Variants in RBFOX1 observed in about 807,000 individuals in gnomAD.
The protein encoded by RBFOX1 is RNA binding protein fox-1 homolog 1.
Under a neutral mutation model 57.7 loss-of-function variants are expected in RBFOX1, and 8 were observed. The ratio of observed to expected loss-of-function variants is 0.14; its 90% CI spans 0.08 to 0.25. The LOEUF (loss-of-function observed/expected upper bound fraction) is 0.25, where lower values mean the gene tolerates loss of function less well. Among genes scored for constraint, RBFOX1 ranks in the 10% least tolerant of loss-of-function variants. The pLI, the probability that RBFOX1 is intolerant of heterozygous loss-of-function variation, is 1.00. For synonymous variants in RBFOX1, 326 were observed against 222.4 expected (o/e 1.47, Z -4.15); for missense variants, 611 against 548.5 (o/e 1.11, Z -1.14).
At chr16:7,516,506 T>C (rs573497375) in intron 4 of RBFOX1, among the ~76,000 whole-genome samples, 19 of 152,334 alleles carry the variant, frequency 1.2e-4, no homozygotes, top group African/African-American at 4.6e-4. Flanking sequence ...GCAGTATCAC[T>C]GCATGTCTTC....
At chr16:6,842,916 G>A (rs2093563386) in intron 3 of RBFOX1, among the ~76,000 whole-genome samples, 1 of 152,162 alleles carries the variant, frequency 6.6e-6, no homozygotes, top group Non-Finnish European at 1.5e-5. Context: ...GTGAGAACAT[G>A]CAGTGTTTGG....
intron 4 of RBFOX1, among the ~76,000 whole-genome samples, chr16:7,443,009 A>C (rs957268338): frequency 1.3e-5 from 2 of 152,138 alleles, no homozygotes; most frequent in South Asian, 4.1e-4. Context: ...AACACCATCA[A>C]ACACTTTAAT....
chr16:7,654,526 C>T (rs1485743604), intron 12 of RBFOX1, among the ~76,000 whole-genome samples: 76 of 152,150 alleles, frequency 5.0e-4, no homozygotes, highest in Admixed American at 3.9e-4. Context: ...TTCCTTTCTC[C>T]TCTGTGGGAA....
chr16:6,766,208 T>G (rs1428535526), intron 3 of RBFOX1, among the ~76,000 whole-genome samples: 1 of 152,164 alleles, frequency 6.6e-6, no homozygotes, highest in African/African-American at 2.4e-5. Flanking sequence ...TAAGAGCCCT[T>G]CAGTCCAACC....
At chr16:5,274,396 G>T (rs1340461105) in intron 1 of RBFOX1, among the ~76,000 whole-genome samples, 1 of 152,176 alleles carries the variant, frequency 6.6e-6, no homozygotes, top group Non-Finnish European at 1.5e-5. Context: ...AGGCGTGGTC[G>T]TGGGTGCCTG....
At chr16:5,803,697 C>A (rs2055134270) in intron 3 of RBFOX1, among the ~76,000 whole-genome samples, 1 of 152,112 alleles carries the variant, frequency 6.6e-6, no homozygotes, top group African/African-American at 2.4e-5. Context: ...TTTAAGGTAC[C>A]ATACTAGGCA....
chr16:5,833,007 A>T (rs1356247695), intron 3 of RBFOX1, among the ~76,000 whole-genome samples: 1 of 152,184 alleles, frequency 6.6e-6, no homozygotes, highest in Admixed American at 6.5e-5. Flanking sequence ...GGTGAAAGCC[A>T]CCAACCCCCC....
chr16:5,293,613 T>G (rs2063588142), intron 1 of RBFOX1, among the ~76,000 whole-genome samples: 1 of 152,190 alleles, frequency 6.6e-6, no homozygotes, highest in Non-Finnish European at 1.5e-5. Flanking sequence ...GTTTATTCAT[T>G]CATCAACCAA....
chr16:7,191,492 T>C (rs1008292702), intron 4 of RBFOX1, among the ~76,000 whole-genome samples: 1 of 152,198 alleles, frequency 6.6e-6, no homozygotes, highest in African/African-American at 2.4e-5. Flanking sequence ...TGAAGCAGCA[T>C]TTATTTTGTA....
intron 4 of RBFOX1, among the ~76,000 whole-genome samples, chr16:7,052,359 G>C (rs2050384553): frequency 6.6e-6 from 1 of 152,230 alleles, no homozygotes; most frequent in South Asian, 2.1e-4. Flanking sequence ...GAATTTGTTT[G>C]ACATCATTGT....
chr16:6,766,306 T>C (rs1486029001), intron 3 of RBFOX1, among the ~76,000 whole-genome samples: 4 of 152,084 alleles, frequency 2.6e-5, no homozygotes, highest in African/African-American at 9.7e-5. Context: ...AATTTTTCCT[T>C]TTTTATTTAG....
At chr16:7,324,165 G>T (rs995504334) in intron 4 of RBFOX1, among the ~76,000 whole-genome samples, 1 of 152,168 alleles carries the variant, frequency 6.6e-6, no homozygotes, top group Admixed American at 6.5e-5. Context: ...TTTACAATGA[G>T]CCATCTGATG....
chr16:6,189,902 T>G (rs989347571), intron 1 of RBFOX1, among the ~76,000 whole-genome samples: 3 of 152,240 alleles, frequency 2.0e-5, no homozygotes, highest in African/African-American at 7.2e-5. Context: ...TGGTTGCCTG[T>G]GCTTGAGGGG....
chr16:7,580,253 G>A (rs2093649726), intron 6 of RBFOX1, among the ~76,000 whole-genome samples: 1 of 152,060 alleles, frequency 6.6e-6, no homozygotes, highest in Non-Finnish European at 1.5e-5. Flanking sequence ...ACATCATACT[G>A]CAGCAAAAAT....
chr16:6,610,928 C>T (rs796452202), intron 2 of RBFOX1, among the ~76,000 whole-genome samples: 50 of 152,246 alleles, frequency 3.3e-4, no homozygotes, highest in African/African-American at 1.1e-3. Flanking sequence ...TATAGTAGAC[C>T]ATAAAATGTG....
chr16:7,597,984 T>G (rs1228286938), intron 9 of RBFOX1, among the ~76,000 whole-genome samples: 2 of 152,208 alleles, frequency 1.3e-5, no homozygotes, highest in Non-Finnish European at 1.5e-5. Context: ...AGAATGTTGC[T>G]TTGTATTACA....
chr16:5,922,098 C>T (rs2058836254), intron 4 of RBFOX1, among the ~76,000 whole-genome samples: 1 of 152,116 alleles, frequency 6.6e-6, no homozygotes, highest in African/African-American at 2.4e-5. Flanking sequence ...GAGGTCGAGG[C>T]TGCAGTGAGC....
intron 2 of RBFOX1, among the ~76,000 whole-genome samples, chr16:6,615,234 C>A (rs966004746): frequency 1.3e-5 from 2 of 152,084 alleles, no homozygotes; most frequent in African/African-American, 4.8e-5. Flanking sequence ...AGAGAACTTC[C>A]CAGTGGATTT....
At chr16:7,211,391 C>CAGAAA (rs1555573924) in intron 4 of RBFOX1, among the ~76,000 whole-genome samples, 8 of 83,936 alleles carry the variant, frequency 9.5e-5, no homozygotes, top group Non-Finnish European at 1.6e-4. Flanking sequence ...GACTGCCTCT[C>CAGAAA]AAAAAAAAAA....
Sources: allele counts gnomAD v4.1 joint callset (sites outside exome capture counted in the v4.1 genomes callset), GRCh38; gene constraint gnomAD v4.1.1; transcripts MANE v1.5; gene names NCBI Gene and HGNC (gene_info 2026-07-23, HGNC 2026-07-21).